Variants in FAM228A observed in about 807,000 individuals in gnomAD.
FAM228A encodes the protein protein FAM228A.
Under a neutral mutation model 18.6 loss-of-function variants are expected in FAM228A, and 13 were observed. That is an observed-to-expected ratio of 0.70 (90% CI 0.45 to 1.11). The LOEUF is 1.11. Among genes scored for constraint, FAM228A ranks in the 50% least tolerant of loss-of-function variants. The pLI is 0.00. For missense variants in FAM228A, 240 were observed against 242.2 expected (o/e 0.99, Z 0.06); for synonymous variants, 77 against 86.6 (o/e 0.89, Z 0.61).
Position 24,190,689 on chromosome 2 carries a change from C to T in FAM228A, c.*58C>T, listed in dbSNP as rs1668062688. ...ACCCAAGGGCGGAGGAGGCATGGCC[C>T]AAGAAGAAGGGTGTGAAGAGGAGGA... On this transcript the variant is annotated 3_prime_UTR_variant, in exon 6 of 6. Transcript: ENST00000295150. The T allele has an allele frequency of 2.0e-6, 3 of 1,485,302 alleles. No individual in the cohort carries two copies. The highest frequency in any genetic ancestry group is 2.7e-6 in the Non-Finnish European group (3 of 1,118,492). The allele number at this position is 1,485,302 out of a possible 1,614,324, so 92.0% of individuals were successfully genotyped here.
chr2:24,186,027 ATTC>A (rs1286841301), intron 5 of FAM228A, among the ~76,000 whole-genome samples: 2 of 152,058 alleles, frequency 1.3e-5, no homozygotes, highest in Non-Finnish European at 2.9e-5. Flanking sequence ...TGTACACAAT[ATTC>A]TTTTTATTTT....
chr2:24,186,630 TTTTTA>T (rs912468315), intron 5 of FAM228A, among the ~76,000 whole-genome samples: 23 of 151,996 alleles, frequency 1.5e-4, no homozygotes, highest in Non-Finnish European at 2.4e-4. Flanking sequence ...AATGTGGACA[TTTTTA>T]TTTTATTTTA....
At chr2:24,185,623 G>A (rs74661405) in intron 5 of FAM228A, among the ~76,000 whole-genome samples, 3,023 of 152,172 alleles carry the variant, frequency 0.02, 31 homozygotes, top group South Asian at 0.046. Flanking sequence ...CCATTAGTGT[G>A]GGTCTTATTT....
At chr2:24,178,647 C>T (rs778784097) in intron 3 of FAM228A, among the ~76,000 whole-genome samples, 32 of 152,156 alleles carry the variant, frequency 2.1e-4, no homozygotes, top group Non-Finnish European at 5.9e-5. Flanking sequence ...ACATAAATTC[C>T]CATTTAAGCA....
At chr2:24,180,235 G>T (rs1202491202) in intron 3 of FAM228A, among the ~76,000 whole-genome samples, 3 of 149,110 alleles carry the variant, frequency 2.0e-5, no homozygotes, top group African/African-American at 5.0e-5. Flanking sequence ...TGGATGGATT[G>T]CTTGAGTCCA....
intron 2 of FAM228A, among the ~76,000 whole-genome samples, chr2:24,176,947 G>A (rs914169817): frequency 6.6e-6 from 1 of 152,156 alleles, no homozygotes; most frequent in Non-Finnish European, 1.5e-5. Flanking sequence ...CCCTAAAGTG[G>A]GGATTAAAAT....
chr2:24,178,532 C>A (rs1667745476), intron 3 of FAM228A, among the ~76,000 whole-genome samples: 1 of 152,172 alleles, frequency 6.6e-6, no homozygotes, highest in Non-Finnish European at 1.5e-5. Flanking sequence ...TGTGATCATG[C>A]CACTATACTC....
chr2:24,190,382 C>G (rs112799716), intron 5 of FAM228A, 30 bp from the exon 6 acceptor site: 2 of 1,568,420 alleles, frequency 1.3e-6, no homozygotes, highest in African/African-American at 2.7e-5. Flanking sequence ...TGTGCTGAAT[C>G]GAGACAATTT....
chr2:24,181,516 C>G (rs1216668072), intron 3 of FAM228A, among the ~76,000 whole-genome samples: 1 of 152,100 alleles, frequency 6.6e-6, no homozygotes, highest in Non-Finnish European at 1.5e-5. Context: ...TGCCAGGTAG[C>G]TGGGATTACA....
chr2:24,175,443 T>G (rs769129979), intron 1 of FAM228A, 24 bp from the exon 2 acceptor site: 3 of 1,534,148 alleles, frequency 2.0e-6, no homozygotes, highest in African/African-American at 2.7e-5. Context: ...TTCCTCAGCC[T>G]CAGTTTACCT....
At chr2:24,181,589 T>G (rs911661622) in intron 3 of FAM228A, among the ~76,000 whole-genome samples, 3 of 152,188 alleles carry the variant, frequency 2.0e-5, no homozygotes, top group Non-Finnish European at 4.4e-5. Context: ...TTTCGCCATG[T>G]TGGTCAGGCT....
chr2:24,183,751 GT>G, intron 5 of FAM228A, 106 bp downstream of exon 5: 1 of 902,782 alleles, frequency 1.1e-6, no homozygotes, highest in Non-Finnish European at 1.7e-6. Flanking sequence ...GTAGTTTATA[GT>G]TTTATTATTA....
At chr2:24,186,175 T>C (rs1177347903) in intron 5 of FAM228A, among the ~76,000 whole-genome samples, 1 of 152,114 alleles carries the variant, frequency 6.6e-6, no homozygotes, top group Non-Finnish European at 1.5e-5. Flanking sequence ...AATTTTTGTA[T>C]TTTTAGTAGA....
intron 5 of FAM228A, among the ~76,000 whole-genome samples, chr2:24,186,380 C>T (rs1361576796): frequency 6.6e-6 from 1 of 152,134 alleles, no homozygotes; most frequent in Non-Finnish European, 1.5e-5. Context: ...CCTTACCTTA[C>T]AGTACCAGTT....
At chr2:24,189,870 T>C (rs758817418) in intron 5 of FAM228A, among the ~76,000 whole-genome samples, 66 of 152,022 alleles carry the variant, frequency 4.3e-4, no homozygotes, top group Non-Finnish European at 8.5e-4. Flanking sequence ...AGCATTGGTA[T>C]GTCATGGAAG....
At chr2:24,175,669 G>T in intron 2 of FAM228A, 96 bp downstream of exon 2, 1 of 951,652 alleles carries the variant, frequency 1.1e-6, no homozygotes, top group East Asian at 2.6e-5. Flanking sequence ...TCTCAGGATT[G>T]TGACAGTGCC....
intron 3 of FAM228A, among the ~76,000 whole-genome samples, chr2:24,178,308 T>G (rs10211206): frequency 0.84 from 127,532 of 152,164 alleles, 55,045 homozygotes; most frequent in Non-Finnish European, 0.93. Flanking sequence ...AGAGACGGAG[T>G]TATAATAATA....
In FAM228A at chr2:24,183,305, T is replaced by G. The variant is rs1390364233; in HGVS notation, c.183T>G (p.Val61=). 2 of 1,613,766 alleles carry G rather than the reference T, an allele frequency of 1.2e-6. No individual in the cohort carries two copies. Among genetic ancestry groups the G allele is most frequent in the Non-Finnish European group, 1.7e-6 (2 of 1,179,676 alleles). ...TGTAGGTTACAGTCCCACCATTTGT[T>G]GATCCTCTGTTTCAAAGACAGCAAG... The part of the protein sequence containing the change: ...SIVKVTVPPF[V]DPLFQRQQEV... The change falls in exon 4 of 6, where the codon GTT becomes GTG. Residue 61 remains valine, a synonymous_variant. Transcript: ENST00000295150.
At chr2:24,182,666 C>T (rs1667843039) in intron 3 of FAM228A, among the ~76,000 whole-genome samples, 1 of 152,044 alleles carries the variant, frequency 6.6e-6, no homozygotes, top group Non-Finnish European at 1.5e-5. Context: ...TAGCACTGCC[C>T]CTGCTCCTAC....
Sources: gnomAD v4.1 joint callset for allele counts (sites outside exome capture counted in the v4.1 genomes callset) on GRCh38, gnomAD v4.1.1 for gene constraint, MANE v1.5 for transcripts, NCBI Gene and HGNC (gene_info 2026-07-23, HGNC 2026-07-21) for gene names.